Variants in CHD4 observed in about 807,000 individuals in gnomAD.
CHD4 encodes the protein chromodomain helicase DNA binding protein 4, also known as ATP-dependent chromatin remodeler CHD4.
Under a neutral mutation model 235.5 loss-of-function variants are expected in CHD4, and 35 were observed. The ratio of observed to expected loss-of-function variants is 0.15; its 90% CI spans 0.11 to 0.20. The LOEUF (loss-of-function observed/expected upper bound fraction) is 0.20, where lower values mean the gene tolerates loss of function less well. CHD4 is among the 10% of genes least tolerant of loss of function. The pLI is 1.00. For missense variants in CHD4, 1,329 were observed against 2,432.3 expected (o/e 0.55, Z 9.54); for synonymous variants, 900 against 850.2 (o/e 1.06, Z -1.02).
intron 23 of CHD4, 150 bp from the exon 24 acceptor site, chr12:6,588,099 A>G (rs535868148): frequency 9.0e-7 from 1 of 1,106,370 alleles, no homozygotes; most frequent in Non-Finnish European, 1.3e-6. Flanking sequence ...GCCTCCAGAC[A>G]CCACCCTCTA....
At chr12:6,590,093 G>C (rs1948366025) in intron 22 of CHD4, 1 of 152,150 alleles carries the variant, frequency 6.6e-6, no homozygotes, top group Non-Finnish European at 1.5e-5. Flanking sequence ...AGCTACTCAG[G>C]AGGCTGAGAC....
At chr12:6,580,727 A>AAAAAAG (rs1555163920) in intron 33 of CHD4, 3,856 of 244,196 alleles carry the variant, frequency 0.016, 423 homozygotes, top group African/African-American at 0.11. Flanking sequence ...AAAAAAAAAA[A>AAAAAAG]GCCAGGCACA....
chr12:6,581,518 G>T, intron 31 of CHD4, 130 bp from the exon 32 acceptor site: 1 of 1,514,362 alleles, frequency 6.6e-7, no homozygotes, highest in Non-Finnish European at 9.2e-7. Context: ...TCTTAGGACG[G>T]CCCTCCTAAA....
intron 34 of CHD4, 69 bp from the exon 35 acceptor site, chr12:6,578,615 A>C: frequency 6.3e-7 from 1 of 1,599,074 alleles, no homozygotes; most frequent in South Asian, 1.1e-5. Context: ...TACCCAGAAC[A>C]CTGTATGCTA....
At chr12:6,599,192 G>A (rs1948547893) in intron 10 of CHD4, among the ~76,000 whole-genome samples, 1 of 152,190 alleles carries the variant, frequency 6.6e-6, no homozygotes, top group Non-Finnish European at 1.5e-5. Context: ...AGCACTTAAT[G>A]AGGACAAGGG....
chr12:6,599,210 T>C (rs1385188441), intron 10 of CHD4, among the ~76,000 whole-genome samples: 1 of 152,160 alleles, frequency 6.6e-6, no homozygotes, highest in Non-Finnish European at 1.5e-5. Flanking sequence ...GGGAGCAGAA[T>C]GGTTTCAGAC....
In CHD4 at chr12:6,601,031, G is replaced by A. The variant is rs1948580706; in HGVS notation, c.822C>T (p.Pro274=). 6.3e-7 allele frequency: 1 copy of A among 1,587,108 alleles called. No individual in the cohort carries two copies. The highest frequency in any genetic ancestry group is 8.5e-7 in the Non-Finnish European group (1 of 1,170,480). Residue 274 remains proline (P), a synonymous_variant, in exon 7 of 40, where the codon CCC becomes CCT. Transcript: ENST00000544040. ...CATCAGGTACACGAGGGCTGCCCTT[G>A]GGCTTCCTCCGAGCATTGGGACCTA... is the stretch of plus-strand genomic sequence containing the variant. ...EGKGPNARRK[P]KGSPRVPDAK... is the part of the protein sequence containing the mutation.
At chr12:6,597,147 T>A (rs1376710686) in intron 12 of CHD4, among the ~76,000 whole-genome samples, 1 of 144,426 alleles carries the variant, frequency 6.9e-6, no homozygotes, top group Non-Finnish European at 1.5e-5. Context: ...ATGGTGGCGA[T>A]GGCCTGTAGT....
At chr12:6,584,255 T>A (rs1224024464) in intron 25 of CHD4, 3 of 152,072 alleles carry the variant, frequency 2.0e-5, no homozygotes, top group African/African-American at 7.3e-5. Context: ...TGTACATATA[T>A]GTGTATGAAT....
intron 14 of CHD4, among the ~76,000 whole-genome samples, 189 bp from the exon 15 acceptor site, chr12:6,594,839 C>T (rs1010490737): frequency 4.7e-4 from 71 of 152,182 alleles, no homozygotes; most frequent in African/African-American, 1.7e-3. Context: ...GGAAACAGGG[C>T]TTAACCAGAC....
chr12:6,603,980 T>C (rs1479808557), intron 2 of CHD4, among the ~76,000 whole-genome samples: 4 of 152,094 alleles, frequency 2.6e-5, no homozygotes, highest in Non-Finnish European at 2.9e-5. Context: ...TAGACAGTGG[T>C]AGAAGAGAAT....
At chr12:6,600,195 G>A (rs1948565064) in intron 9 of CHD4, 22 bp downstream of exon 9, 23 of 1,612,548 alleles carry the variant, frequency 1.4e-5, no homozygotes, top group Non-Finnish European at 2.0e-5. Context: ...GTTCCAAGGG[G>A]CCACAATGGC....
intron 10 of CHD4, 39 bp downstream of exon 10, chr12:6,599,734 C>G (rs1480879501): frequency 1.2e-6 from 2 of 1,613,344 alleles, no homozygotes; most frequent in East Asian, 2.2e-5. Context: ...AAAGACTACA[C>G]TTTCCCATTT....
rs781428370 is a variant in CHD4, at chr12:6,606,345, G to A, written c.29C>T (p.Pro10Leu). The A allele has an allele frequency of 1.3e-5, 21 of 1,572,014 alleles. No individual in the cohort carries two copies. The East Asian group carries it at 3.0e-4, about 23-fold the overall frequency. Residue 10 changes from proline (P) to leucine (L), a missense_variant, in exon 2 of 40, where the codon CCC becomes CTC. By Grantham distance (98) the Pro-to-Leu change is moderately conservative. Coordinates refer to ENST00000544040, the MANE Select transcript of CHD4 (RefSeq NM_001273.5). ...CTCCTCCTCACTGCCCGCCGAGCAGGGGGACGGGGAGCCCAGGCCCGACGC... is the reference window on the plus strand; with the variant it reads ...CTCCTCCTCACTGCCCGCCGAGCAGAGGGACGGGGAGCCCAGGCCCGACGC... The part of the protein sequence containing the change: MASGLGSPS[P>L]CSAGSEEEDM...
At chr12:6,590,828 AAAC>A (rs1297594789) in intron 22 of CHD4, among the ~76,000 whole-genome samples, 5 of 152,094 alleles carry the variant, frequency 3.3e-5, no homozygotes, top group Admixed American at 2.0e-4. Context: ...TATCTCGAAT[AAAC>A]AAAACAAAAC....
At position 6,595,363 on chromosome 12, in the gene CHD4, C is replaced by G. The variant is rs778428775; in HGVS notation, c.2092G>C (p.Glu698Gln). ...KLKKVKLRKLERPPETPTVDP... is the reference protein window; with the variant it reads ...KLKKVKLRKLQRPPETPTVDP... ...ACTGTTGGCGTTTCTGGAGGCCTCT[C>G]CAACTTCCGAAGCTTCACCTTCTTG... Residue 698 changes from glutamate (E) to glutamine (Q), a missense_variant, in exon 14 of 40, where the codon GAG becomes CAG. Physicochemically the swap from Glu to Gln is conservative, Grantham distance 29. Around this residue, in one of 26 missense-constraint regions of CHD4, gnomAD observed 121 missense variants for 177.8 expected, o/e 0.68. Transcript: ENST00000544040. The G allele has an allele frequency of 1.2e-6, 2 of 1,614,126 alleles. No homozygotes were observed. The highest frequency in any genetic ancestry group is 1.7e-6 in the Non-Finnish European group (2 of 1,179,990).
In CHD4 at chr12:6,592,905, T is replaced by C. The variant is rs1222115639; in HGVS notation, c.2653-88A>G. The C allele has an allele frequency of 1.3e-5, 20 of 1,538,046 alleles. No homozygotes were observed. In the South Asian group the frequency reaches 1.3e-4, roughly 10 times the overall value. ...AAATTTCAAGTTTTTCACTGCCCAA[T>C]AGTTAAGCATCCCACTCCTCACATT... On this transcript the variant is annotated intron_variant, in intron 17 of 39. Coordinates refer to ENST00000544040, the MANE Select transcript of CHD4 (RefSeq NM_001273.5).
intron 2 of CHD4, among the ~76,000 whole-genome samples, chr12:6,605,569 CAG>C (rs1296037486): frequency 6.6e-6 from 1 of 152,164 alleles, no homozygotes; most frequent in Non-Finnish European, 1.5e-5. Context: ...CTCATAGAGA[CAG>C]AAGCCACTAG....
chr12:6,589,240 C>A (rs1257330831), intron 22 of CHD4, among the ~76,000 whole-genome samples: 2 of 152,138 alleles, frequency 1.3e-5, no homozygotes, highest in East Asian at 3.9e-4. Context: ...CAGTAATAAT[C>A]ATTGTAATCA....
Sources: allele counts gnomAD v4.1 joint callset (sites outside exome capture counted in the v4.1 genomes callset), GRCh38; gene constraint gnomAD v4.1.1; regional missense constraint gnomAD v4.1.1; transcripts MANE v1.5; gene names NCBI Gene and HGNC (gene_info 2026-07-23, HGNC 2026-07-21).